LRRC37A2: variants seen among roughly 807,000 people sequenced by gnomAD.
LRRC37A2 encodes leucine-rich repeat-containing protein 37A2.
In LRRC37A2, 9 loss-of-function variants were observed where a neutral mutation model predicts 68.8. That is an observed-to-expected ratio of 0.13 (90% CI 0.08 to 0.23). The LOEUF (loss-of-function observed/expected upper bound fraction) is 0.23, where lower values mean the gene tolerates loss of function less well. Among genes scored for constraint, LRRC37A2 ranks in the 10% least tolerant of loss-of-function variants. LRRC37A2 has a pLI of 1.00. For synonymous variants in LRRC37A2, 63 were observed against 367.6 expected (o/e 0.17, Z 9.48); for missense variants, 168 against 950.4 (o/e 0.18, Z 10.82).
chr17:46,976,025 C>G, the LRRC37A2 span, among the ~76,000 whole-genome samples: 1 of 152,006 alleles, frequency 6.6e-6, no homozygotes, highest in African/African-American at 2.4e-5. Context: ...CTCCCGGGTT[C>G]ACGCCATTCT....
At chr17:47,009,548 G>C in the LRRC37A2 span, among the ~76,000 whole-genome samples, 1 of 152,192 alleles carries the variant, frequency 6.6e-6, no homozygotes, top group East Asian at 1.9e-4. Flanking sequence ...CAAATTTCCA[G>C]CATGTGGTCC....
chr17:46,988,944 G>T, the LRRC37A2 span, among the ~76,000 whole-genome samples: 18 of 152,210 alleles, frequency 1.2e-4, no homozygotes, highest in African/African-American at 4.1e-4. Flanking sequence ...CGGTGAGAAG[G>T]TGCGAATAGA....
chr17:46,853,304 C>T, the LRRC37A2 span, among the ~76,000 whole-genome samples: 1 of 145,250 alleles, frequency 6.9e-6, no homozygotes, highest in South Asian at 2.3e-4. Context: ...TGAGCTAGTA[C>T]ATGTAAAGCA....
chr17:46,768,895 A>G, the LRRC37A2 span: 2 of 1,526,448 alleles, frequency 1.3e-6, no homozygotes, highest in Non-Finnish European at 1.8e-6. This position sits in a 1 kb window ranked among gnomAD's most constrained non-coding sequence, Gnocchi z 5.0. Context: ...CCTTCCCTCC[A>G]GCCTTCTCTA....
the LRRC37A2 span, among the ~76,000 whole-genome samples, chr17:46,601,917 C>T: frequency 1.4e-5 from 2 of 146,584 alleles, no homozygotes; most frequent in East Asian, 3.9e-4. Context: ...GGCATGGTGG[C>T]TCACACCTGT....
the LRRC37A2 span, among the ~76,000 whole-genome samples, chr17:46,810,908 C>T: frequency 1.3e-5 from 2 of 152,138 alleles, no homozygotes; most frequent in Admixed American, 6.5e-5. Context: ...GGAAGCCGCC[C>T]ACCTCCTCAC....
At chr17:46,985,324 G>A in the LRRC37A2 span, among the ~76,000 whole-genome samples, 1 of 152,012 alleles carries the variant, frequency 6.6e-6, no homozygotes, top group Non-Finnish European at 1.5e-5. Flanking sequence ...TTCGAGACCA[G>A]CCTGACCAAC....
the LRRC37A2 span, among the ~76,000 whole-genome samples, chr17:46,729,325 T>C: frequency 6.6e-6 from 1 of 152,150 alleles, no homozygotes; most frequent in African/African-American, 2.4e-5. Context: ...TCCTAAAAAT[T>C]TGTTTATGGG....
the LRRC37A2 span, among the ~76,000 whole-genome samples, chr17:46,982,544 G>A: frequency 6.6e-6 from 1 of 152,192 alleles, no homozygotes; most frequent in Non-Finnish European, 1.5e-5. Flanking sequence ...CTTGACATGA[G>A]GAAACAGCGG....
chr17:46,987,083 A>G, the LRRC37A2 span, among the ~76,000 whole-genome samples: 1 of 152,112 alleles, frequency 6.6e-6, no homozygotes, highest in African/African-American at 2.4e-5. Context: ...TCTCTACTAA[A>G]AATACAAAAA....
the LRRC37A2 span, among the ~76,000 whole-genome samples, chr17:46,992,368 G>T: frequency 1.3e-5 from 2 of 151,352 alleles, no homozygotes; most frequent in Non-Finnish European, 2.9e-5. Context: ...ACTCCGTCTC[G>T]GGAAAAAAAA....
chr17:46,851,588 C>A, the LRRC37A2 span: 24 of 1,082,394 alleles, frequency 2.2e-5, no homozygotes, highest in Non-Finnish European at 2.6e-5. The surrounding 1 kb of genome is among the most constrained non-coding windows in gnomAD (Gnocchi z 4.3). Context: ...GGCGGAGCTG[C>A]GAGCTTGAGC....
At chr17:46,958,968 A>C in the LRRC37A2 span, among the ~76,000 whole-genome samples, 1 of 152,254 alleles carries the variant, frequency 6.6e-6, no homozygotes, top group Non-Finnish European at 1.5e-5. Context: ...TGCTTTTACC[A>C]AAATCACTGC....
chr17:46,389,126 C>T, the LRRC37A2 span, among the ~76,000 whole-genome samples: 18 of 140,376 alleles, frequency 1.3e-4, no homozygotes, highest in African/African-American at 3.7e-4. Flanking sequence ...ACCCAGGAGG[C>T]GGAGATTGCC....
At chr17:46,752,544 C>G in the LRRC37A2 span, among the ~76,000 whole-genome samples, 1 of 152,154 alleles carries the variant, frequency 6.6e-6, no homozygotes, top group Non-Finnish European at 1.5e-5. Flanking sequence ...CAGTTTTGAC[C>G]TCGCAGGCTC....
At chr17:46,753,050 T>C in the LRRC37A2 span, among the ~76,000 whole-genome samples, 1 of 152,264 alleles carries the variant, frequency 6.6e-6, no homozygotes, top group African/African-American at 2.4e-5. Context: ...ATTACAGGTG[T>C]GAGCCACTGC....
the LRRC37A2 span, among the ~76,000 whole-genome samples, chr17:46,973,650 T>C: frequency 3.3e-5 from 5 of 152,176 alleles, no homozygotes; most frequent in Admixed American, 3.3e-4. Flanking sequence ...CTGGGACACC[T>C]GCCCCGTCTG....
the LRRC37A2 span, among the ~76,000 whole-genome samples, chr17:46,972,464 A>C: frequency 2.6e-5 from 4 of 152,258 alleles, no homozygotes; most frequent in African/African-American, 9.6e-5. Flanking sequence ...GGGCACCCCG[A>C]GCCCTTGCTG....
chr17:46,713,995 A>T, the LRRC37A2 span: 1 of 1,595,560 alleles, frequency 6.3e-7, no homozygotes, highest in South Asian at 1.1e-5. Flanking sequence ...AGGTATCAAG[A>T]TTTTACTTTC....
Sources: allele counts gnomAD v4.1 joint callset (sites outside exome capture counted in the v4.1 genomes callset), GRCh38; gene constraint gnomAD v4.1.1; non-coding constraint Gnocchi (gnomAD v3.1); transcripts MANE v1.5; gene names NCBI Gene and HGNC (gene_info 2026-07-23, HGNC 2026-07-21).